DNAH8: variants seen among roughly 807,000 people sequenced by gnomAD.
DNAH8 encodes dynein axonemal heavy chain 8.
In DNAH8, 382 loss-of-function variants were observed where a neutral mutation model predicts 562.1. The ratio of observed to expected loss-of-function variants is 0.68; its 90% CI spans 0.63 to 0.74. The LOEUF (loss-of-function observed/expected upper bound fraction) is 0.74. Among genes scored for constraint, DNAH8 ranks in the 30% least tolerant of loss-of-function variants. The pLI is 0.00. For missense variants in DNAH8, 5,203 were observed against 5,620.4 expected, an observed-to-expected ratio of 0.93 and a Z score of 2.37; for synonymous variants, 1,881 against 1,919.4, an observed-to-expected ratio of 0.98 and a Z score of 0.52.
chr6:38,729,235 CA>C (rs963190235), intron 3 of DNAH8, among the ~76,000 whole-genome samples: 3 of 151,922 alleles, frequency 2.0e-5, no homozygotes, highest in Admixed American at 6.6e-5. Context: ...AACAAACAAA[CA>C]AACAAACTCT....
At chr6:38,804,385 C>T (rs572873920) in intron 22 of DNAH8, among the ~76,000 whole-genome samples, 14 of 152,318 alleles carry the variant, frequency 9.2e-5, no homozygotes, top group Admixed American at 3.9e-4. Flanking sequence ...TGTTTTCAAG[C>T]TCTAAATAAG....
chr6:38,991,917 C>T (rs1395118847), intron 88 of DNAH8, among the ~76,000 whole-genome samples: 1 of 152,124 alleles, frequency 6.6e-6, no homozygotes, highest in Non-Finnish European at 1.5e-5. Context: ...AAGACCTTGT[C>T]CTCCTGACCT....
intron 7 of DNAH8, among the ~76,000 whole-genome samples, chr6:38,741,376 G>A (rs771874256): frequency 2.0e-5 from 3 of 151,894 alleles, no homozygotes; most frequent in East Asian, 1.9e-4. Context: ...GCACTCTAGC[G>A]TAGGCAGCAG....
At chr6:38,752,195 T>G (rs1038246827) in intron 9 of DNAH8, among the ~76,000 whole-genome samples, 1 of 151,532 alleles carries the variant, frequency 6.6e-6, no homozygotes, top group Non-Finnish European at 1.5e-5. Flanking sequence ...ATGGAGTCTC[T>G]CTCTGTCACC....
At chr6:38,798,345 C>T (rs1770479412) in intron 21 of DNAH8, among the ~76,000 whole-genome samples, 1 of 152,174 alleles carries the variant, frequency 6.6e-6, no homozygotes, top group Admixed American at 6.5e-5. Context: ...ATAACTGTCT[C>T]CTAGTCCCTG....
intron 70 of DNAH8, among the ~76,000 whole-genome samples, chr6:38,920,349 A>T (rs957263257): frequency 5.3e-5 from 8 of 152,326 alleles, no homozygotes; most frequent in African/African-American, 1.9e-4. Flanking sequence ...TTATGGGAAA[A>T]GGAGCTAAAT....
intron 24 of DNAH8, among the ~76,000 whole-genome samples, chr6:38,810,895 C>T (rs188038970): frequency 3.4e-4 from 51 of 152,118 alleles, no homozygotes; most frequent in African/African-American, 1.2e-3. Context: ...AAATGTTTTG[C>T]CCTCATACTT....
intron 7 of DNAH8, among the ~76,000 whole-genome samples, chr6:38,741,119 C>T (rs1001056083): frequency 2.0e-5 from 3 of 152,030 alleles, no homozygotes; most frequent in Non-Finnish European, 2.9e-5. Context: ...AAAATGTCAC[C>T]TTTGGCCAGG....
intron 87 of DNAH8, among the ~76,000 whole-genome samples, chr6:38,989,584 C>T (rs772750218): frequency 4.6e-5 from 7 of 152,272 alleles, no homozygotes; most frequent in Non-Finnish European, 8.8e-5. Context: ...AGTGAAACTG[C>T]GCACAAGCAC....
intron 33 of DNAH8, among the ~76,000 whole-genome samples, chr6:38,839,505 C>T (rs1774593886): frequency 1.3e-5 from 2 of 151,776 alleles, no homozygotes; most frequent in African/African-American, 4.8e-5. Context: ...AGGTGCATAC[C>T]ACTGGGCCCA....
intron 92 of DNAH8, among the ~76,000 whole-genome samples, chr6:39,029,402 C>G (rs1237029728): frequency 6.6e-6 from 1 of 152,220 alleles, no homozygotes; most frequent in Non-Finnish European, 1.5e-5. Flanking sequence ...GCCCTCACCC[C>G]CAGAACAGTT....
At chr6:38,931,747 T>C in intron 75 of DNAH8, 64 bp from the exon 76 acceptor site, 3 of 1,107,848 alleles carry the variant, frequency 2.7e-6, no homozygotes, top group Non-Finnish European at 3.8e-6. Flanking sequence ...CTTTTCTAAA[T>C]TGAACCCAAG....
At chr6:38,969,989 C>T (rs1561926777) in intron 82 of DNAH8, among the ~76,000 whole-genome samples, 1 of 151,962 alleles carries the variant, frequency 6.6e-6, no homozygotes, top group Non-Finnish European at 1.5e-5. Flanking sequence ...AGGTGGCGGT[C>T]ACTTACACCA....
intron 29 of DNAH8, 102 bp downstream of exon 29, chr6:38,826,493 G>A: frequency 1.3e-6 from 1 of 760,352 alleles, no homozygotes; most frequent in Non-Finnish European, 2.2e-6. Flanking sequence ...CATCTATTAT[G>A]TAGCACAGTC....
chr6:38,781,115 T>A, intron 15 of DNAH8, 139 bp from the exon 16 acceptor site: 1 of 789,406 alleles, frequency 1.3e-6, no homozygotes, highest in Non-Finnish European at 2.0e-6. Context: ...TTACCTTGGA[T>A]GTGCATTTAC....
At chr6:38,854,373 A>G (rs1776016578) in intron 41 of DNAH8, among the ~76,000 whole-genome samples, 1 of 152,122 alleles carries the variant, frequency 6.6e-6, no homozygotes, top group African/African-American at 2.4e-5. Context: ...AACGTAGGCA[A>G]TTTTTGCCCA....
At chr6:38,892,697 T>G (rs1779420436) in intron 58 of DNAH8, among the ~76,000 whole-genome samples, 1 of 152,194 alleles carries the variant, frequency 6.6e-6, no homozygotes, top group African/African-American at 2.4e-5. Context: ...TTCACAGTCC[T>G]AGATGATATT....
At chr6:39,002,747 T>G (rs1765569839) in intron 88 of DNAH8, among the ~76,000 whole-genome samples, 1 of 152,230 alleles carries the variant, frequency 6.6e-6, no homozygotes, top group South Asian at 2.1e-4. Flanking sequence ...CAGGTTTTAC[T>G]TCATTGATCC....
intron 82 of DNAH8, among the ~76,000 whole-genome samples, chr6:38,956,863 G>T (rs1320398233): frequency 1.3e-5 from 2 of 152,130 alleles, no homozygotes; most frequent in Non-Finnish European, 2.9e-5. Flanking sequence ...AAGAGAGGAA[G>T]AATGGAAGAA....
Sources: allele counts gnomAD v4.1 joint callset (sites outside exome capture counted in the v4.1 genomes callset), GRCh38; gene constraint gnomAD v4.1.1; transcripts MANE v1.5; gene names NCBI Gene and HGNC (gene_info 2026-07-23, HGNC 2026-07-21).